The following MCPH1 variants were observed in gnomAD, a reference collection of about 807,000 sequenced individuals.
MCPH1 encodes microcephalin.
In MCPH1, 104 loss-of-function variants were observed where a neutral mutation model predicts 84.5. The observed-to-expected ratio is 1.23, with a 90% CI of 1.05 to 1.45. The LOEUF is 1.45. Ranked by LOEUF, MCPH1 falls within the 40% of genes most tolerant of loss-of-function variation. The probability of loss-of-function intolerance (pLI) is 0.00; values close to 1 mark genes in which losing one functional copy is unlikely to be tolerated. For synonymous variants in MCPH1, 514 were observed against 366.8 expected, an observed-to-expected ratio of 1.40 and a Z score of -4.58; for missense variants, 1,498 against 1,005.7, an observed-to-expected ratio of 1.49 and a Z score of -6.62.
rs556632758 is a variant in MCPH1 at position 6,444,697 on chromosome 8, G to A, written c.975G>A (p.Thr325=). The change falls in exon 8 of 14, where the codon ACG becomes ACA. Residue 325 remains threonine (T), a synonymous_variant. Coordinates refer to ENST00000344683, the MANE Select transcript of MCPH1 (RefSeq NM_024596.5). The stretch of plus-strand genomic sequence containing the variant: ...AGGCTGCAGGTATGTCTCAGGAGAC[G>A]TTTGAAGAGAAGTATCGTTTGTCTC... ...QKQAAGMSQE[T]FEEKYRLSPT... is the part of the protein sequence containing the mutation. 4.6e-5 allele frequency: 74 copies of A among 1,614,062 alleles called. No individual in the cohort carries two copies. The South Asian group carries it at 6.6e-4, about 14-fold the overall frequency.
At chr8:6,419,576 G>C (rs937913384) in intron 3 of MCPH1, among the ~76,000 whole-genome samples, 1 of 109,970 alleles carries the variant, frequency 9.1e-6, no homozygotes, top group African/African-American at 3.4e-5. Context: ...TTTTTTTTTT[G>C]TATTTTTAGT....
At chr8:6,612,688 C>T (rs569916298) in intron 12 of MCPH1, among the ~76,000 whole-genome samples, 36 of 152,330 alleles carry the variant, frequency 2.4e-4, no homozygotes, top group African/African-American at 7.5e-4. Flanking sequence ...GTGTTCTGGG[C>T]GCCTCCTCCG....
At chr8:6,484,438 T>G (rs1253926251) in intron 11 of MCPH1, among the ~76,000 whole-genome samples, 1 of 152,236 alleles carries the variant, frequency 6.6e-6, no homozygotes, top group Admixed American at 6.5e-5. Flanking sequence ...CTGGTGTGTG[T>G]GGGAAGTGGT....
chr8:6,461,357 G>GTTTTTTTTTTTT (rs1806271076), intron 9 of MCPH1, among the ~76,000 whole-genome samples: 1 of 119,668 alleles, frequency 8.4e-6, no homozygotes, highest in African/African-American at 3.3e-5. Context: ...ATGGAGTCTC[G>GTTTTTTTTTTTT]CTCTGTTGTC....
At chr8:6,604,532 TCTCA>T (rs1829607274) in intron 12 of MCPH1, among the ~76,000 whole-genome samples, 1 of 152,210 alleles carries the variant, frequency 6.6e-6, no homozygotes, top group African/African-American at 2.4e-5. Context: ...TGAGACGGAG[TCTCA>T]CTCTATCGCC....
rs146867918 is a variant in MCPH1 at position 6,522,876 on chromosome 8, G to T, written c.2214+22947G>T. ...GCAGAATACAATCCCAGAACTTTCT[G>T]ACTCTGAAATCTGCTTCTCTCCTTT... On this transcript the variant is annotated intron_variant, in intron 12 of 13. Coordinates refer to ENST00000344683, the MANE Select transcript of MCPH1 (RefSeq NM_024596.5). Among the ~76,000 whole-genome samples the T allele has an allele frequency of 3.0e-4, 46 of 152,214 alleles. 2 individuals carry two copies. Among genetic ancestry groups the T allele is most frequent in the African/African-American group, 1.1e-3 (45 of 41,544 alleles).
rs371539050 is a variant in MCPH1 at position 6,474,172 on chromosome 8, A to G, written c.1936-3422A>G. ...ATTCTCTCATTTGGTTATCTAACTC[A>G]TCAGCTACTCTGTCTTCATCTAAAA... On this transcript the variant is annotated intron_variant, in intron 9 of 13. Coordinates refer to ENST00000344683, the MANE Select transcript of MCPH1 (RefSeq NM_024596.5). The G allele has an allele frequency of 3.4e-5, 25 of 739,864 alleles. No homozygotes were observed. In the African/African-American group the frequency reaches 3.8e-4, roughly 11 times the overall value. 45.8% of individuals were successfully genotyped at this position (739,864 alleles called of 1,614,324 possible).
chr8:6,608,344 G>T (rs1224995567), intron 12 of MCPH1, among the ~76,000 whole-genome samples: 4 of 152,240 alleles, frequency 2.6e-5, no homozygotes, highest in African/African-American at 9.6e-5. Context: ...AAGGAGAAAT[G>T]CGTTGAGAAT....
At chr8:6,505,301 ATG>A (rs1563305869) in intron 12 of MCPH1, among the ~76,000 whole-genome samples, 6 of 80,424 alleles carry the variant, frequency 7.5e-5, no homozygotes, top group African/African-American at 5.0e-4. Context: ...ATACATATAT[ATG>A]TATATAACAT....
chr8:6,587,243 G>A (rs961754030), intron 12 of MCPH1, among the ~76,000 whole-genome samples: 1 of 152,146 alleles, frequency 6.6e-6, no homozygotes, highest in African/African-American at 2.4e-5. Context: ...CAAATACAGA[G>A]CCCTCTCTCT....
rs370497894 is a variant in MCPH1 at position 6,415,559 on chromosome 8, G to T, written c.233+676G>T. 2.0e-3 allele frequency among the ~76,000 whole-genome samples: 302 copies of T among 152,044 alleles called. 2 individuals are homozygous for T. Among genetic ancestry groups the T allele is most frequent in the African/African-American group, 6.7e-3 (278 of 41,426 alleles). ...GGTAGAGACGGGGTTTTATCATGTTGGCCAGGCTGGTTTCAAACTTCTGAC... is the reference window on the plus strand; with the variant it reads ...GGTAGAGACGGGGTTTTATCATGTTTGCCAGGCTGGTTTCAAACTTCTGAC... On this transcript the variant is annotated intron_variant, in intron 3 of 13. Coordinates refer to ENST00000344683, the MANE Select transcript of MCPH1 (RefSeq NM_024596.5).
intron 9 of MCPH1, among the ~76,000 whole-genome samples, chr8:6,459,699 A>G (rs3020279): frequency 0.011 from 1,689 of 152,302 alleles, 31 homozygotes; most frequent in African/African-American, 0.038. Context: ...TGAAACTCAG[A>G]TGTGTCCCGT....
intron 12 of MCPH1, among the ~76,000 whole-genome samples, chr8:6,602,520 G>A (rs139400345): frequency 1.4e-4 from 22 of 152,210 alleles, no homozygotes; most frequent in Non-Finnish European, 1.2e-4. Context: ...GGAGGGTGTG[G>A]GGCTGAGTGG....
At chr8:6,626,541 A>G (rs1180109870) in intron 13 of MCPH1, 1 of 983,450 alleles carries the variant, frequency 1.0e-6, no homozygotes, top group Non-Finnish European at 1.2e-6. Context: ...ATAAAAATAA[A>G]CGGGAAAACA....
At chr8:6,426,133 C>T (rs1003914743) in intron 3 of MCPH1, among the ~76,000 whole-genome samples, 1 of 152,174 alleles carries the variant, frequency 6.6e-6, no homozygotes, top group East Asian at 1.9e-4. Flanking sequence ...TTATTAGATA[C>T]AGCATTCTGC....
chr8:6,614,585 T>C (rs1218969564), intron 12 of MCPH1, among the ~76,000 whole-genome samples: 1 of 152,240 alleles, frequency 6.6e-6, no homozygotes, highest in Non-Finnish European at 1.5e-5. Flanking sequence ...CACACGTCCG[T>C]TGGCCTAACG....
intron 12 of MCPH1, among the ~76,000 whole-genome samples, chr8:6,511,382 G>T (rs137966871): frequency 1.8e-4 from 27 of 152,102 alleles, no homozygotes; most frequent in Non-Finnish European, 3.7e-4. Flanking sequence ...TTAAACCTCA[G>T]TGTTATATAA....
intron 12 of MCPH1, among the ~76,000 whole-genome samples, chr8:6,533,285 C>T (rs1393992596): frequency 1.3e-5 from 2 of 152,200 alleles, no homozygotes; most frequent in Non-Finnish European, 2.9e-5. Flanking sequence ...CATTTCACTG[C>T]CATTGGTATA....
chr8:6,544,383 C>T (rs1353028523), intron 12 of MCPH1, among the ~76,000 whole-genome samples: 2 of 152,214 alleles, frequency 1.3e-5, no homozygotes, highest in African/African-American at 2.4e-5. Flanking sequence ...GTGAACTGCA[C>T]ATGGTGATTA....
Sources: gnomAD v4.1 joint callset for allele counts (sites outside exome capture counted in the v4.1 genomes callset) on GRCh38, gnomAD v4.1.1 for gene constraint, MANE v1.5 for transcripts, NCBI Gene and HGNC (gene_info 2026-07-23, HGNC 2026-07-21) for gene names.